Variants in MYO9A observed in about 807,000 individuals in gnomAD.
The protein encoded by MYO9A is unconventional myosin-IXa.
A neutral mutation model predicts 293.3 loss-of-function variants in MYO9A; 103 were observed. The observed-to-expected ratio is 0.35, with a 90% CI of 0.30 to 0.41. MYO9A has a LOEUF of 0.41. MYO9A is among the 10% of genes least tolerant of loss of function. The pLI is 1.00. For synonymous variants in MYO9A, 1,001 were observed against 1,035.7 expected (o/e 0.97, Z 0.64); for missense variants, 2,685 against 3,033.0 (o/e 0.89, Z 2.69).
intron 32 of MYO9A, among the ~76,000 whole-genome samples, chr15:71,868,164 A>G (rs1318739378): frequency 6.6e-6 from 1 of 152,156 alleles, no homozygotes; most frequent in African/African-American, 2.4e-5. Context: ...TTCCAATCTC[A>G]TTCAGGTTGT....
At position 72,045,862 on chromosome 15, in the gene MYO9A, G is replaced by A. The variant is rs2078369713; in HGVS notation, c.702C>T (p.Cys234=). Residue 234 remains cysteine, a synonymous_variant, in exon 2 of 42, where the codon TGC becomes TGT. Transcript: ENST00000356056. ...HAMLQRKKNQ[C]IVISGESGSG... The stretch of plus-strand genomic sequence containing the variant: ...AACCACTCTCTCCTGAAATCACGAT[G>A]CACTGATTCTTTTTGCGCTGAAGCA... The A allele has an allele frequency of 1.2e-6, 2 of 1,614,084 alleles. No individual in the cohort carries two copies. Among genetic ancestry groups the A allele is most frequent in the Non-Finnish European group, 1.7e-6 (2 of 1,180,012 alleles).
rs2057398409 is a variant in MYO9A at position 71,898,595 on chromosome 15, T to A, written c.3908A>T (p.Asp1303Val). ...CACCAATTCTGTAGACCATCTGCGA[T>A]CCTCTGAAGGAGAAATACCACCAAG... ...RSLGGISPSEDRRWSTELVPE... is the reference protein window; with the variant it reads ...RSLGGISPSEVRRWSTELVPE... Residue 1303 changes from aspartate to valine, a missense_variant, in exon 25 of 42, where the codon GAT (aspartate) becomes GTT (valine). Around this residue, in one of 10 missense-constraint regions of MYO9A, gnomAD observed 1,434 missense variants for 1,497.7 expected, o/e 0.96. Transcript: ENST00000356056. 1 of 1,614,028 alleles carries A rather than the reference T, an allele frequency of 6.2e-7. No individual in the cohort carries two copies. The highest frequency in any genetic ancestry group is 8.5e-7 in the Non-Finnish European group (1 of 1,180,026).
At chr15:72,027,037 C>A (rs1335156460) in intron 4 of MYO9A, among the ~76,000 whole-genome samples, 1 of 152,208 alleles carries the variant, frequency 6.6e-6, no homozygotes, top group African/African-American at 2.4e-5. Flanking sequence ...CAATCCTTCA[C>A]AAACTCTTCT....
intron 11 of MYO9A, among the ~76,000 whole-genome samples, chr15:71,980,561 A>C (rs1350291478): frequency 1.3e-5 from 2 of 152,176 alleles, no homozygotes; most frequent in Non-Finnish European, 2.9e-5. Flanking sequence ...TTGGCTGGGC[A>C]CAGTGTCTCA....
chr15:72,041,586 G>T, intron 2 of MYO9A: 1 of 353,620 alleles, frequency 2.8e-6, no homozygotes, highest in South Asian at 2.5e-5. Context: ...CCGCAAGGTT[G>T]AGCACTGCAT....
intron 12 of MYO9A, among the ~76,000 whole-genome samples, chr15:71,976,795 G>GA (rs1318230034): frequency 6.6e-6 from 1 of 152,234 alleles, no homozygotes; most frequent in Non-Finnish European, 1.5e-5. Flanking sequence ...GTTGACTAGT[G>GA]ATAGAGTAGG....
chr15:72,001,738 C>T (rs994632357), intron 8 of MYO9A, among the ~76,000 whole-genome samples: 1 of 152,010 alleles, frequency 6.6e-6, no homozygotes, highest in African/African-American at 2.4e-5. Flanking sequence ...ATTCACTGAT[C>T]AACTCTCAAA....
chr15:72,117,749 C>G lies in MYO9A; in HGVS notation c.-141G>C. On this transcript the variant is annotated 5_prime_UTR_variant, in exon 1 of 42. Coordinates refer to ENST00000356056, the MANE Select transcript of MYO9A (RefSeq NM_006901.4). ...CGGAAGCTGCCTTCCACCCTCCGCC[C>G]CAGGGTAGGACCGGAGATGGCAGAA... 1 of 397,926 alleles carries G rather than the reference C, an allele frequency of 2.5e-6. No individual in the cohort carries two copies. The highest frequency in any genetic ancestry group is 4.4e-6 in the Non-Finnish European group (1 of 225,324). 24.6% of individuals were successfully genotyped at this position (397,926 alleles called of 1,614,324 possible).
At chr15:72,025,569 AAAACTCCTCATCTC>A (rs1388756006) in intron 4 of MYO9A, among the ~76,000 whole-genome samples, 2 of 152,086 alleles carry the variant, frequency 1.3e-5, no homozygotes, top group African/African-American at 4.8e-5. Flanking sequence ...AGGCTGGTCT[AAAACTCCTCATCTC>A]AAATGATCTG....
chr15:71,828,420 A>T (rs2054595971), intron 40 of MYO9A, among the ~76,000 whole-genome samples: 1 of 152,158 alleles, frequency 6.6e-6, no homozygotes, highest in Non-Finnish European at 1.5e-5. Context: ...AAACAAAGAG[A>T]TTAAACTAGA....
chr15:72,113,009 T>C (rs1196700309), intron 1 of MYO9A, among the ~76,000 whole-genome samples: 4 of 152,216 alleles, frequency 2.6e-5, no homozygotes, highest in African/African-American at 7.2e-5. Flanking sequence ...GGCAGGAGGA[T>C]GGCTCTAGTC....
intron 13 of MYO9A, among the ~76,000 whole-genome samples, chr15:71,962,335 A>C (rs1442689169): frequency 1.3e-5 from 2 of 152,158 alleles, no homozygotes; most frequent in Non-Finnish European, 2.9e-5. Context: ...CATGTCATCT[A>C]TCCTCATGTA....
chr15:72,088,912 C>G (rs1004983728), intron 1 of MYO9A, among the ~76,000 whole-genome samples: 2 of 152,192 alleles, frequency 1.3e-5, no homozygotes, highest in Admixed American at 6.5e-5. Flanking sequence ...TATGTCTATG[C>G]TCATTTATCC....
At chr15:71,892,800 A>T (rs1596123364) in intron 26 of MYO9A, 1 of 296,544 alleles carries the variant, frequency 3.4e-6, no homozygotes, top group East Asian at 1.1e-4. Context: ...AGTGCCCTTT[A>T]TTTGAGTTCT....
At chr15:72,114,801 A>G (rs1031903121) in intron 1 of MYO9A, among the ~76,000 whole-genome samples, 19 of 152,218 alleles carry the variant, frequency 1.2e-4, no homozygotes, top group African/African-American at 4.6e-4. Flanking sequence ...TGGTTTTTAA[A>G]ATGTCTGAAA....
chr15:72,087,645 T>A (rs2079782960), intron 1 of MYO9A, among the ~76,000 whole-genome samples: 1 of 152,196 alleles, frequency 6.6e-6, no homozygotes, highest in Non-Finnish European at 1.5e-5. Flanking sequence ...TCCCTCTGTC[T>A]ACTCTCAGTG....
At chr15:71,836,795 A>C (rs977698538) in intron 39 of MYO9A, among the ~76,000 whole-genome samples, 1 of 152,098 alleles carries the variant, frequency 6.6e-6, no homozygotes, top group African/African-American at 2.4e-5. Flanking sequence ...TTTTGGTAGC[A>C]AACAAAAAAT....
intron 14 of MYO9A, among the ~76,000 whole-genome samples, chr15:71,952,633 T>C (rs1329143326): frequency 6.6e-6 from 1 of 151,854 alleles, no homozygotes; most frequent in Non-Finnish European, 1.5e-5. Flanking sequence ...CAATAAAGAG[T>C]TTCCAGGCTT....
At chr15:72,026,034 G>A (rs1566960764) in intron 4 of MYO9A, among the ~76,000 whole-genome samples, 2 of 151,950 alleles carry the variant, frequency 1.3e-5, no homozygotes, top group Admixed American at 1.3e-4. Context: ...AACATTTTGG[G>A]AGGCTGAGGC....
Sources: gnomAD v4.1 joint callset for allele counts (sites outside exome capture counted in the v4.1 genomes callset) on GRCh38, gnomAD v4.1.1 for gene constraint, gnomAD v4.1.1 regional missense constraint, MANE v1.5 for transcripts, NCBI Gene and HGNC (gene_info 2026-07-23, HGNC 2026-07-21) for gene names.